Variants in CTSO observed in about 807,000 individuals in gnomAD.
CTSO encodes the protein cathepsin O.
Under a neutral mutation model 42.4 loss-of-function variants are expected in CTSO, and 40 were observed. The observed-to-expected ratio is 0.94, with a 90% CI of 0.73 to 1.23. The LOEUF is 1.23. CTSO is among the 50% of genes most tolerant of loss of function. The probability of loss-of-function intolerance (pLI) is 0.00; values close to 1 mark genes in which losing one functional copy is unlikely to be tolerated. For synonymous variants in CTSO, 156 were observed against 146.2 expected, an observed-to-expected ratio of 1.07 and a Z score of -0.48; for missense variants, 441 against 396.0, an observed-to-expected ratio of 1.11 and a Z score of -0.96.
chr4:155,929,908 A>T (rs559290322), intron 5 of CTSO, among the ~76,000 whole-genome samples: 2 of 152,254 alleles, frequency 1.3e-5, no homozygotes, highest in East Asian at 3.9e-4. Context: ...TTTCTCTATC[A>T]TTGTCCTGCT....
At chr4:155,930,666 G>GT (rs1373545591) in intron 5 of CTSO, among the ~76,000 whole-genome samples, 1 of 152,152 alleles carries the variant, frequency 6.6e-6, no homozygotes, top group Admixed American at 6.5e-5. Flanking sequence ...CCACTAATAA[G>GT]TAAGTAAATA....
intron 5 of CTSO, among the ~76,000 whole-genome samples, chr4:155,936,654 G>A (rs750490741): frequency 9.2e-5 from 14 of 152,080 alleles, no homozygotes; most frequent in Middle Eastern, 3.2e-3. Context: ...TTTTTCATGT[G>A]TTTTTAAAGC....
chr4:155,946,889 G>A (rs576418718), intron 1 of CTSO, among the ~76,000 whole-genome samples: 4 of 152,078 alleles, frequency 2.6e-5, no homozygotes, highest in African/African-American at 4.8e-5. Context: ...GCGGATTCTC[G>A]CTCTGTCGCC....
In CTSO at chr4:155,934,241, T is replaced by C. The variant is rs1743290467; in HGVS notation, c.674+3121A>G. ...GGCCTTGGCAGCTTCCATTTGGGGTTGAGCCTGCGGGTACATAGAAGACAA... is the reference window on the plus strand; with the variant it reads ...GGCCTTGGCAGCTTCCATTTGGGGTCGAGCCTGCGGGTACATAGAAGACAA... On this transcript the variant is annotated intron_variant, in intron 5 of 7. Transcript: ENST00000433477. 2.0e-5 allele frequency among the ~76,000 whole-genome samples: 3 copies of C among 152,182 alleles called. No homozygotes were observed. The South Asian group carries it at 6.2e-4, about 31-fold the overall frequency.
chr4:155,943,122 A>G, intron 2 of CTSO, 34 bp downstream of exon 2: 2 of 1,271,632 alleles, frequency 1.6e-6, no homozygotes, highest in East Asian at 2.3e-5. Flanking sequence ...AATTAAAATC[A>G]GGAAACCACC....
At chr4:155,953,348 A>C (rs1208312607) in intron 1 of CTSO, among the ~76,000 whole-genome samples, 3 of 152,144 alleles carry the variant, frequency 2.0e-5, no homozygotes, top group Non-Finnish European at 4.4e-5. Flanking sequence ...AGAGAAATAG[A>C]AGAGCTTTGG....
At chr4:155,927,153 T>TC (rs1743144178) in intron 7 of CTSO, among the ~76,000 whole-genome samples, 1 of 152,348 alleles carries the variant, frequency 6.6e-6, no homozygotes, top group East Asian at 1.9e-4. Flanking sequence ...AACAGATCAC[T>TC]CATGAACTCT....
intron 3 of CTSO, among the ~76,000 whole-genome samples, chr4:155,941,829 C>T (rs546056038): frequency 1.3e-5 from 2 of 152,338 alleles, no homozygotes; most frequent in African/African-American, 4.8e-5. Flanking sequence ...GATTTTCTGA[C>T]AGAGCTTGCA....
intron 6 of CTSO, 39 bp downstream of exon 6, chr4:155,929,503 A>G: frequency 6.3e-7 from 1 of 1,580,944 alleles, no homozygotes; most frequent in Non-Finnish European, 8.6e-7. Context: ...CTCAGTGTCC[A>G]TGCTGGAAAG....
chr4:155,949,564 T>C (rs150355416), intron 1 of CTSO, among the ~76,000 whole-genome samples: 75 of 152,350 alleles, frequency 4.9e-4, no homozygotes, highest in African/African-American at 1.6e-3. Context: ...TTGTTTGTCT[T>C]GCAGTTCCAT....
intron 5 of CTSO, among the ~76,000 whole-genome samples, chr4:155,931,789 T>G (rs1743238303): frequency 6.6e-6 from 1 of 150,976 alleles, no homozygotes. Flanking sequence ...TTCGTTATTA[T>G]TATAACGAAT....
At chr4:155,932,916 G>C (rs6854827) in intron 5 of CTSO, among the ~76,000 whole-genome samples, 99,358 of 151,988 alleles carry the variant, frequency 0.65, 33,881 homozygotes, top group East Asian at 0.89. Context: ...TTCAGTCATT[G>C]AGATCAAAAG....
chr4:155,940,899 T>C (rs912872214), intron 3 of CTSO, among the ~76,000 whole-genome samples: 4 of 150,714 alleles, frequency 2.7e-5, no homozygotes, highest in Non-Finnish European at 5.9e-5. Flanking sequence ...TAGCCAGCTT[T>C]AGTCAAGCCA....
intron 1 of CTSO, among the ~76,000 whole-genome samples, 168 bp from the exon 2 acceptor site, chr4:155,943,432 C>T (rs1378971932): frequency 6.6e-6 from 1 of 152,088 alleles, no homozygotes; most frequent in Non-Finnish European, 1.5e-5. Context: ...TAAATATTTT[C>T]TATTAGAATT....
chr4:155,933,711 T>C (rs905948163), intron 5 of CTSO, among the ~76,000 whole-genome samples: 4 of 152,162 alleles, frequency 2.6e-5, no homozygotes, highest in African/African-American at 7.2e-5. Context: ...GTGACTCTTG[T>C]TATGTTTTAG....
chr4:155,953,092 C>A (rs1167824712), intron 1 of CTSO, among the ~76,000 whole-genome samples: 1 of 150,712 alleles, frequency 6.6e-6, no homozygotes, highest in African/African-American at 2.4e-5. Flanking sequence ...TATTATATTT[C>A]GTATAATAAT....
chr4:155,953,088 A>T (rs1014587285), intron 1 of CTSO, among the ~76,000 whole-genome samples: 3 of 150,742 alleles, frequency 2.0e-5, no homozygotes, highest in African/African-American at 7.3e-5. Flanking sequence ...ATTATATTAT[A>T]TTTCGTATAA....
chr4:155,935,952 T>A (rs1743322345), intron 5 of CTSO, among the ~76,000 whole-genome samples: 1 of 152,206 alleles, frequency 6.6e-6, no homozygotes, highest in African/African-American at 2.4e-5. Context: ...TTTCCCTTAA[T>A]TCAGACTAAT....
At chr4:155,927,578 G>A (rs1743151199) in intron 7 of CTSO, among the ~76,000 whole-genome samples, 1 of 152,092 alleles carries the variant, frequency 6.6e-6, no homozygotes, top group African/African-American at 2.4e-5. Context: ...GACCATCCTG[G>A]CTAACACGGT....
Sources: allele counts gnomAD v4.1 joint callset (sites outside exome capture counted in the v4.1 genomes callset), GRCh38; gene constraint gnomAD v4.1.1; transcripts MANE v1.5; gene names NCBI Gene and HGNC (gene_info 2026-07-23, HGNC 2026-07-21).